Variants in IQCH observed in about 807,000 individuals in gnomAD.
The protein encoded by IQCH is IQ motif containing H.
In IQCH, 98 loss-of-function variants were observed where a neutral mutation model predicts 117.0. The observed-to-expected ratio is 0.84, with a 90% CI of 0.71 to 0.99. IQCH has a LOEUF of 0.99. IQCH is among the 50% of genes least tolerant of loss of function. IQCH has a pLI of 0.00. For synonymous variants in IQCH, 412 were observed against 448.2 expected, an observed-to-expected ratio of 0.92 and a Z score of 1.02; for missense variants, 1,102 against 1,243.8, an observed-to-expected ratio of 0.89 and a Z score of 1.72.
intron 4 of IQCH, chr15:67,307,046 C>T: frequency 1.5e-6 from 2 of 1,296,592 alleles, no homozygotes; most frequent in Non-Finnish European, 2.0e-6. Context: ...GAATGCATAA[C>T]AAAATAGCCA....
chr15:67,421,233 A>G, intron 15 of IQCH, 58 bp from the exon 16 acceptor site: 1 of 1,443,174 alleles, frequency 6.9e-7, no homozygotes, highest in Non-Finnish European at 9.5e-7. Flanking sequence ...GCAGAATCTG[A>G]GCCCAAGTCA....
chr15:67,315,251 G>A (rs1967792462), intron 4 of IQCH, among the ~76,000 whole-genome samples: 1 of 152,148 alleles, frequency 6.6e-6, no homozygotes, highest in Admixed American at 6.5e-5. Context: ...CAGTTAGAAG[G>A]CTGCTTAGTG....
chr15:67,453,360 C>T lies in IQCH; in HGVS notation c.2506-11767C>T, dbSNP rs1481480331. 6.6e-6 allele frequency among the ~76,000 whole-genome samples: 1 copy of T among 151,860 alleles called. No individual in the cohort carries two copies. The highest frequency in any genetic ancestry group is 2.4e-5 in the African/African-American group (1 of 41,154). On this transcript the variant is annotated intron_variant, in intron 16 of 20. Transcript: ENST00000335894. The surrounding 1 kb of genome is among the most constrained non-coding windows in gnomAD (Gnocchi z 5.8). ...TTTTTTCCCATCTTTGTGGTTTTAT[C>T]TACCTTTGGTCTTTGATGATGGTGA...
At position 67,400,573 on chromosome 15, in the gene IQCH, C is replaced by T. The variant is rs8028252; in HGVS notation, c.2097+268C>T. ...AATCAGGGCTCACTGTAACCTCTGC[C>T]TCCCTGGCTCAAGGGATCCTTCCAC... On this transcript the variant is annotated intron_variant, in intron 14 of 20. Transcript: ENST00000335894. Among the ~76,000 whole-genome samples the T allele has an allele frequency of 3.5e-3, 524 of 149,068 alleles. 5 individuals are homozygous for T. Among genetic ancestry groups the T allele is most frequent in the African/African-American group, 0.012 (493 of 40,438 alleles).
chr15:67,442,053 T>A (rs547665587), intron 16 of IQCH, among the ~76,000 whole-genome samples: 29 of 151,952 alleles, frequency 1.9e-4, no homozygotes, highest in Middle Eastern at 6.8e-3. Flanking sequence ...AACAATCCCA[T>A]CAAAAAATGG....
intron 4 of IQCH, among the ~76,000 whole-genome samples, chr15:67,331,666 T>C (rs562678657): frequency 6.6e-6 from 1 of 152,244 alleles, no homozygotes; most frequent in Admixed American, 6.5e-5. Flanking sequence ...CTCAAAACAG[T>C]CCACAAGTGA....
intron 7 of IQCH, among the ~76,000 whole-genome samples, chr15:67,358,187 A>C (rs1596252175): frequency 1.2e-4 from 3 of 24,646 alleles, no homozygotes; most frequent in Admixed American, 5.0e-4. Flanking sequence ...TTTTTTAACC[A>C]TCATGAGGCA....
chr15:67,400,217 A>C lies in IQCH; in HGVS notation c.2009A>C (p.Asp670Ala), dbSNP rs1327241616. 6.2e-7 allele frequency: 1 copy of C among 1,613,546 alleles called. No individual in the cohort carries two copies. Among genetic ancestry groups the C allele is most frequent in the Non-Finnish European group, 8.5e-7 (1 of 1,179,538 alleles). ...CGAGGAAATGGGACTGCATTTTGTG[A>C]TATTCCTTCCTACCTAAAGTGCTAC... ...EFRGNGTAFC[D>A]IPSYLKCYKW... is the part of the protein sequence containing the mutation. The change falls in exon 14 of 21, where the codon GAT (aspartate) becomes GCT (alanine). Residue 670 changes from aspartate (D) to alanine (A), a missense_variant. Physicochemically the swap from Asp to Ala is moderately radical, Grantham distance 126. Around this residue, in one of 2 missense-constraint regions of IQCH, gnomAD observed 650 missense variants for 794.3 expected, o/e 0.82. Transcript: ENST00000335894.
At position 67,369,486 on chromosome 15, in the gene IQCH, G is replaced by A. The variant is rs1970446919; in HGVS notation, c.754-2625G>A. On this transcript the variant is annotated intron_variant, in intron 8 of 20. Transcript: ENST00000335894. The surrounding 1 kb of genome is among the most constrained non-coding windows in gnomAD (Gnocchi z 5.2). Reference sequence around the variant, plus strand: ...AAAAAGGAGGGAAAGAGAGAGGAAGGAAGAGAAAAAGAAAAAAGAGAAAGA... The same window carrying A: ...AAAAAGGAGGGAAAGAGAGAGGAAGAAAGAGAAAAAGAAAAAAGAGAAAGA... Among the ~76,000 whole-genome samples, 1 of 149,934 alleles carries A rather than the reference G, an allele frequency of 6.7e-6. No individual in the cohort carries two copies. Among genetic ancestry groups the A allele is most frequent in the African/African-American group, 2.5e-5 (1 of 40,416 alleles).
chr15:67,400,486 T>TTTCTC (rs1971611530), intron 14 of IQCH, among the ~76,000 whole-genome samples, 181 bp downstream of exon 14: 1 of 68,978 alleles, frequency 1.4e-5, no homozygotes, highest in African/African-American at 5.9e-5. Flanking sequence ...TGAGTTCTTT[T>TTTCTC]TTTTCTTTTT....
chr15:67,498,446 G>A (rs199992873), intron 20 of IQCH, among the ~76,000 whole-genome samples: 39 of 151,586 alleles, frequency 2.6e-4, no homozygotes, highest in East Asian at 1.6e-3. Flanking sequence ...TGAAAACCCC[G>A]TCTTTACTAA....
chr15:67,263,278 C>T, intron 3 of IQCH, 62 bp downstream of exon 3: 15 of 825,680 alleles, frequency 1.8e-5, no homozygotes, highest in Non-Finnish European at 2.9e-5. Context: ...TTTTCTCACT[C>T]AAGTGAGATG....
intron 16 of IQCH, among the ~76,000 whole-genome samples, chr15:67,434,807 G>A (rs568170310): frequency 5.9e-5 from 8 of 135,408 alleles, no homozygotes; most frequent in East Asian, 2.1e-4. Flanking sequence ...TTTTTGAGAC[G>A]GAGTCTGACT....
intron 14 of IQCH, among the ~76,000 whole-genome samples, chr15:67,402,840 G>A (rs1567158923): frequency 1.3e-5 from 2 of 152,228 alleles, no homozygotes; most frequent in Non-Finnish European, 2.9e-5. Context: ...GTAGGCAACA[G>A]ATTAAAAACA....
At chr15:67,429,014 A>G (rs2081959207) in intron 16 of IQCH, among the ~76,000 whole-genome samples, 1 of 152,148 alleles carries the variant, frequency 6.6e-6, no homozygotes, top group Admixed American at 6.5e-5. Flanking sequence ...AAGGAAACAG[A>G]TTCTCCTCTA....
At chr15:67,338,683 G>A (rs1176388812) in intron 5 of IQCH, among the ~76,000 whole-genome samples, 1 of 152,102 alleles carries the variant, frequency 6.6e-6, no homozygotes, top group African/African-American at 2.4e-5. Context: ...ATCCAAAAAA[G>A]AAAGCTTTGC....
At chr15:67,312,874 C>T (rs572503154) in intron 4 of IQCH, among the ~76,000 whole-genome samples, 3 of 152,228 alleles carry the variant, frequency 2.0e-5, no homozygotes, top group East Asian at 1.9e-4. Context: ...CTGTGTTCTC[C>T]AGTATTCTAA....
rs953116420 is a variant in IQCH, at chr15:67,430,502, G to A, written c.2505+8925G>A. 6.6e-6 allele frequency: 1 copy of A among 152,034 alleles called. No individual in the cohort carries two copies. The highest frequency in any genetic ancestry group is 2.4e-5 in the African/African-American group (1 of 41,388). 9.4% of individuals were successfully genotyped at this position (152,034 alleles called of 1,614,324 possible). ...ACATGCACACAATTGTTTTATACTT[G>A]TATTGATTCATAGGTATAAATATTG... On this transcript the variant is annotated intron_variant, in intron 16 of 20. Transcript: ENST00000335894. The surrounding 1 kb of genome is among the most constrained non-coding windows in gnomAD (Gnocchi z 5.1).
intron 4 of IQCH, among the ~76,000 whole-genome samples, chr15:67,310,638 TATC>T (rs1351164734): frequency 6.6e-6 from 1 of 152,116 alleles, no homozygotes; most frequent in African/African-American, 2.4e-5. Context: ...AATATAGCCA[TATC>T]ATGATAGTGT....
Sources: allele counts gnomAD v4.1 joint callset (sites outside exome capture counted in the v4.1 genomes callset), GRCh38; gene constraint gnomAD v4.1.1; regional missense constraint gnomAD v4.1.1; non-coding constraint Gnocchi (gnomAD v3.1); transcripts MANE v1.5; gene names NCBI Gene and HGNC (gene_info 2026-07-23, HGNC 2026-07-21).